The following POLA2 variants were observed in gnomAD, a reference collection of about 807,000 sequenced individuals.
POLA2 encodes the protein DNA polymerase alpha subunit B.
In POLA2, 47 loss-of-function variants were observed where a neutral mutation model predicts 82.8. The ratio of observed to expected loss-of-function variants is 0.57; its 90% CI spans 0.45 to 0.72. The LOEUF is 0.72. Among genes scored for constraint, POLA2 ranks in the 30% least tolerant of loss-of-function variants. The pLI, the probability that POLA2 is intolerant of heterozygous loss-of-function variation, is 0.00. For missense variants in POLA2, 634 were observed against 728.1 expected, an observed-to-expected ratio of 0.87 and a Z score of 1.49; for synonymous variants, 287 against 286.8, an observed-to-expected ratio of 1.00 and a Z score of -0.01.
chr11:65,303,335 CTG>C (rs1949868669), downstream of POLA2, among the ~76,000 whole-genome samples: 1 of 134,740 alleles, frequency 7.4e-6, no homozygotes, highest in South Asian at 2.3e-4. Context: ...GAGTGAGACT[CTG>C]TCTCCAAAAA....
At chr11:65,285,424 TG>T (rs551957704) in intron 10 of POLA2, among the ~76,000 whole-genome samples, 159 of 150,272 alleles carry the variant, frequency 1.1e-3, no homozygotes, top group Non-Finnish European at 1.7e-3. Flanking sequence ...TAGCTGGGTG[TG>T]GGCATGGTGG....
At chr11:65,271,466 A>G (rs1306523299) in intron 4 of POLA2, among the ~76,000 whole-genome samples, 1 of 152,200 alleles carries the variant, frequency 6.6e-6, no homozygotes, top group East Asian at 1.9e-4. Flanking sequence ...TGTTTACTTT[A>G]CTATTGAAGT....
intron 1 of POLA2, 36 bp from the exon 2 acceptor site, chr11:65,266,546 A>G (rs1949462046): frequency 6.2e-7 from 1 of 1,610,990 alleles, no homozygotes; most frequent in Admixed American, 1.7e-5. Flanking sequence ...CGAGAAATGA[A>G]CTAAGTTTTT....
At chr11:65,266,188 T>G (rs1361063619) in intron 1 of POLA2, among the ~76,000 whole-genome samples, 1 of 152,204 alleles carries the variant, frequency 6.6e-6, no homozygotes, top group Non-Finnish European at 1.5e-5. Context: ...AATATCAGCA[T>G]CATCCTTGAC....
chr11:65,281,000 C>G lies in POLA2; in HGVS notation c.753C>G (p.Val251=), dbSNP rs1438494592. ...TPLLAPAQEP[V]TLLGQIGCDS... is the part of the protein sequence containing the mutation. ...TGACCTTCCTTTGGTAGGAGCCTGT[C>G]ACTCTGCTGGGCCAGATTGGCTGTG... The change falls in exon 8 of 18, where the codon GTC becomes GTG. Residue 251 remains valine, a synonymous_variant. Coordinates refer to ENST00000265465, the MANE Select transcript of POLA2 (RefSeq NM_002689.4). The G allele has an allele frequency of 1.2e-6, 2 of 1,613,702 alleles. No homozygotes were observed. Among genetic ancestry groups the G allele is most frequent in the Non-Finnish European group, 1.7e-6 (2 of 1,179,954 alleles).
At chr11:65,264,117 G>A (rs1949432251) in intron 1 of POLA2, among the ~76,000 whole-genome samples, 1 of 152,120 alleles carries the variant, frequency 6.6e-6, no homozygotes, top group African/African-American at 2.4e-5. Flanking sequence ...GCCCAGGCTG[G>A]AGTGCAATGG....
At position 65,297,338 on chromosome 11, in the gene POLA2, C is replaced by A; in HGVS notation, c.*69C>A. On this transcript the variant is annotated 3_prime_UTR_variant, in exon 18 of 18. Coordinates refer to ENST00000265465, the MANE Select transcript of POLA2 (RefSeq NM_002689.4). ...TCTTAGCCAAGAGCCAAGACATAGC[C>A]CTGTGACAAGGTGAACAGTTGGGTG... 1 of 1,480,198 alleles carries A rather than the reference C, an allele frequency of 6.8e-7. No homozygotes were observed. Among genetic ancestry groups the A allele is most frequent in the Non-Finnish European group, 9.0e-7 (1 of 1,114,030 alleles). The allele number at this position is 1,480,198 out of a possible 1,614,324, so 91.7% of individuals were successfully genotyped here. A position where few individuals can be genotyped will look rare whatever the true frequency, so the allele number is the denominator to read the frequency against.
intron 2 of POLA2, among the ~76,000 whole-genome samples, chr11:65,267,093 G>A (rs1949469672): frequency 6.6e-6 from 1 of 151,982 alleles, no homozygotes; most frequent in African/African-American, 2.4e-5. Context: ...GTAATCCCAG[G>A]TACTCGGAAA....
rs73484950 is a variant in POLA2, at chr11:65,275,401, A to G, written c.355-491A>G. Among the ~76,000 whole-genome samples, 1,032 of 150,656 alleles carry G rather than the reference A, an allele frequency of 6.9e-3. 12 individuals are homozygous for G. Among genetic ancestry groups the G allele is most frequent in the African/African-American group, 0.024 (991 of 40,918 alleles). On this transcript the variant is annotated intron_variant, in intron 4 of 17. Transcript: ENST00000265465. ...AAAAAAAAAAAGGAGTGACCATCAG[A>G]TGTTTGCTAACTCTTCAAGTATGAG...
rs1034486690 is a variant in POLA2, at chr11:65,278,804, G to A, written c.536G>A (p.Gly179Glu). The A allele has an allele frequency of 6.2e-7, 1 of 1,613,832 alleles. No individual in the cohort carries two copies. The highest frequency in any genetic ancestry group is 1.3e-5 in the African/African-American group (1 of 75,038). ...GTTACCTCCTTCGGCTTAGCACAGG[G>A]AGTATCTTGGTCTGGGAGAGGAGGA... ...EVVTSFGLAQGVSWSGRGGAG... is the reference protein window; with the variant it reads ...EVVTSFGLAQEVSWSGRGGAG... Residue 179 changes from glycine (G) to glutamate (E), a missense_variant, in exon 6 of 18, where the codon GGA (glycine) becomes GAA (glutamate). Coordinates refer to ENST00000265465, the MANE Select transcript of POLA2 (RefSeq NM_002689.4).
At chr11:65,293,727 C>T (rs1248479819) in intron 13 of POLA2, among the ~76,000 whole-genome samples, 1 of 152,122 alleles carries the variant, frequency 6.6e-6, no homozygotes, top group Non-Finnish European at 1.5e-5. Context: ...TGTTTACTGC[C>T]TGCAGGCTAC....
chr11:65,290,796 T>TA (rs1356435274), intron 13 of POLA2, among the ~76,000 whole-genome samples: 3 of 152,232 alleles, frequency 2.0e-5, no homozygotes, highest in African/African-American at 7.2e-5. Flanking sequence ...TTTGATGACT[T>TA]ACGCAGTGAA....
intron 15 of POLA2, among the ~76,000 whole-genome samples, chr11:65,295,242 G>C (rs1949797545): frequency 6.6e-6 from 1 of 152,180 alleles, no homozygotes; most frequent in Non-Finnish European, 1.5e-5. Flanking sequence ...GCCTCATGAT[G>C]GTGCCAACTT....
intron 4 of POLA2, among the ~76,000 whole-genome samples, chr11:65,270,871 A>C (rs1701340101): frequency 6.6e-6 from 1 of 152,144 alleles, no homozygotes; most frequent in East Asian, 1.9e-4. Flanking sequence ...CATCTCTCCC[A>C]CTGGCTTTTC....
intron 10 of POLA2, among the ~76,000 whole-genome samples, chr11:65,286,372 CT>C (rs1350743015): frequency 6.6e-6 from 1 of 151,928 alleles, no homozygotes; most frequent in Non-Finnish European, 1.5e-5. Flanking sequence ...TTTTTGACCC[CT>C]GGAACTGTAA....
At chr11:65,293,256 G>T (rs1225826598) in intron 13 of POLA2, among the ~76,000 whole-genome samples, 2 of 152,128 alleles carry the variant, frequency 1.3e-5, no homozygotes, top group Non-Finnish European at 2.9e-5. Flanking sequence ...CTGTGTCTCG[G>T]TTGTCCAGTA....
chr11:65,289,139 C>T (rs964939666), intron 12 of POLA2, 51 bp downstream of exon 12: 1 of 1,447,832 alleles, frequency 6.9e-7, no homozygotes, highest in Non-Finnish European at 9.6e-7. Flanking sequence ...TCCAGTCAGG[C>T]TCTCACTTTT....
intron 4 of POLA2, among the ~76,000 whole-genome samples, chr11:65,274,791 CTA>C (rs1286047639): frequency 1.3e-5 from 2 of 152,056 alleles, no homozygotes; most frequent in East Asian, 3.9e-4. Context: ...AAGATTATGA[CTA>C]TAATTTGTAT....
Position 65,279,555 on chromosome 11 carries a change from G to A in POLA2, c.673G>A (p.Glu225Lys), listed in dbSNP as rs1244589302. ...DIREVLTCKI[E>K]ELGSELKEHY... ...GATTGTAGTTCTGACCTGTAAGATA[G>A]AAGAACTTGGCAGCGAACTCAAGGA... The change falls in exon 7 of 18, where the codon GAA becomes AAA. Residue 225 changes from glutamate (E) to lysine (K), a missense_variant. By Grantham distance (56) the Glu-to-Lys change is moderately conservative. Transcript: ENST00000265465. 1.2e-6 allele frequency: 2 copies of A among 1,612,624 alleles called. No individual in the cohort carries two copies. The highest frequency in any genetic ancestry group is 1.7e-6 in the Non-Finnish European group (2 of 1,178,926).
Sources: gnomAD v4.1 joint callset for allele counts (sites outside exome capture counted in the v4.1 genomes callset) on GRCh38, gnomAD v4.1.1 for gene constraint, MANE v1.5 for transcripts, NCBI Gene and HGNC (gene_info 2026-07-23, HGNC 2026-07-21) for gene names.